Variants in DGKB observed in about 807,000 individuals in gnomAD.
DGKB encodes the protein 90 kDa diacylglycerol kinase.
Under a neutral mutation model 114.3 loss-of-function variants are expected in DGKB, and 67 were observed. The observed-to-expected ratio is 0.59, with a 90% CI of 0.48 to 0.72. The LOEUF (loss-of-function observed/expected upper bound fraction) is 0.72, where lower values mean the gene tolerates loss of function less well. Among genes scored for constraint, DGKB ranks in the 30% least tolerant of loss-of-function variants. The pLI, the probability that DGKB is intolerant of heterozygous loss-of-function variation, is 0.00. For synonymous variants in DGKB, 398 were observed against 323.1 expected (o/e 1.23, Z -2.49); for missense variants, 907 against 975.2 (o/e 0.93, Z 0.93).
At chr7:14,830,582 C>G (rs950990793) in intron 2 of DGKB, among the ~76,000 whole-genome samples, 1 of 152,020 alleles carries the variant, frequency 6.6e-6, no homozygotes, top group African/African-American at 2.4e-5. Flanking sequence ...GGGTATGTTT[C>G]AAGAGACAAT....
At chr7:14,342,539 G>A (rs1034499505) in intron 22 of DGKB, among the ~76,000 whole-genome samples, 6 of 151,694 alleles carry the variant, frequency 4.0e-5, no homozygotes, top group South Asian at 4.2e-4. Context: ...ATTCTACTTC[G>A]TGTATCATTA....
In DGKB at chr7:14,693,015, C is replaced by T. The variant is rs925465360; in HGVS notation, c.711+1060G>A. ...TATATATACTCATATGTTTCACAAA[C>T]ACAGACAGTAAGTTATCTTGAGAAA... is the stretch of plus-strand genomic sequence containing the variant. On this transcript the variant is annotated intron_variant, in intron 9 of 25. Transcript: ENST00000402815. Among the ~76,000 whole-genome samples the T allele has an allele frequency of 3.3e-5, 5 of 152,194 alleles. No individual in the cohort carries two copies. In the South Asian group the frequency reaches 1.0e-3, roughly 32 times the overall value.
At chr7:14,754,184 C>T (rs534733668) in intron 3 of DGKB, among the ~76,000 whole-genome samples, 17 of 152,110 alleles carry the variant, frequency 1.1e-4, no homozygotes, top group African/African-American at 1.4e-4. Flanking sequence ...TCTAAAACTG[C>T]GTGGGGTCGG....
intron 6 of DGKB, among the ~76,000 whole-genome samples, chr7:14,702,801 T>C (rs1045963956): frequency 1.3e-5 from 2 of 152,220 alleles, no homozygotes; most frequent in African/African-American, 4.8e-5. Context: ...TATTTAATGG[T>C]TACTGCATTT....
chr7:14,258,140 TTC>T (rs1796220820), intron 23 of DGKB, among the ~76,000 whole-genome samples: 1 of 152,242 alleles, frequency 6.6e-6, no homozygotes, highest in Non-Finnish European at 1.5e-5. Context: ...GAAAAATTTC[TTC>T]TAACTGTGAA....
chr7:14,439,927 A>C (rs1829839224), intron 21 of DGKB, among the ~76,000 whole-genome samples: 1 of 151,872 alleles, frequency 6.6e-6, no homozygotes, highest in South Asian at 2.1e-4. Flanking sequence ...ACTACTTGAG[A>C]TTGTCACTAC....
intron 4 of DGKB, among the ~76,000 whole-genome samples, chr7:14,742,814 G>A (rs79861865): frequency 0.011 from 1,633 of 152,278 alleles, 31 homozygotes; most frequent in African/African-American, 0.037. Context: ...TGTAAGAAGA[G>A]TAAAATGTGT....
At chr7:14,710,444 GAATTTC>G (rs1481794975) in intron 6 of DGKB, among the ~76,000 whole-genome samples, 1 of 151,968 alleles carries the variant, frequency 6.6e-6, no homozygotes, top group East Asian at 1.9e-4. Context: ...AATAAACAAT[GAATTTC>G]AATTTCTTCT....
chr7:14,688,976 C>T (rs538365761), intron 9 of DGKB, among the ~76,000 whole-genome samples: 104 of 151,642 alleles, frequency 6.9e-4, no homozygotes, highest in African/African-American at 2.5e-3. Context: ...AATTTTTTTT[C>T]AGAAGACCTC....
chr7:14,414,426 G>A (rs886936215), intron 21 of DGKB, among the ~76,000 whole-genome samples: 1 of 152,242 alleles, frequency 6.6e-6, no homozygotes, highest in Non-Finnish European at 1.5e-5. Flanking sequence ...ATGGCATAGT[G>A]TGGTACAGCT....
intron 20 of DGKB, among the ~76,000 whole-genome samples, chr7:14,491,027 CT>C (rs1784524179): frequency 6.6e-6 from 1 of 151,538 alleles, no homozygotes; most frequent in African/African-American, 2.4e-5. Context: ...GTTTAAGGGG[CT>C]TTCTAGAGAT....
intron 23 of DGKB, among the ~76,000 whole-genome samples, chr7:14,250,819 G>C (rs942228315): frequency 6.6e-6 from 1 of 152,108 alleles, no homozygotes; most frequent in Admixed American, 6.5e-5. Flanking sequence ...GCCAATATTT[G>C]GTGCGTATAT....
At chr7:14,402,373 A>C (rs1286886745) in intron 21 of DGKB, among the ~76,000 whole-genome samples, 1 of 151,872 alleles carries the variant, frequency 6.6e-6, no homozygotes, top group African/African-American at 2.4e-5. Context: ...TAATTCCAGG[A>C]ACATAGTTTC....
chr7:14,265,287 C>G (rs1797320026), intron 23 of DGKB, among the ~76,000 whole-genome samples: 1 of 136,784 alleles, frequency 7.3e-6, no homozygotes, highest in Non-Finnish European at 1.6e-5. Context: ...TACACTTTCT[C>G]AATTTGGACT....
In DGKB at chr7:14,146,877, A is replaced by T. The variant is rs1042025533; in HGVS notation, c.*2254T>A. The T allele has an allele frequency of 3.3e-5, 5 of 152,098 alleles. No individual in the cohort carries two copies. The highest frequency in any genetic ancestry group is 1.2e-4 in the African/African-American group (5 of 41,442). 9.4% of individuals were successfully genotyped at this position (152,098 alleles called of 1,614,324 possible). On this transcript the variant is annotated 3_prime_UTR_variant, in exon 26 of 26. Transcript: ENST00000402815. ...TTGAAATCTTATAAGCAGGTTGTTTAATTTGTCTCATCCCACTGTCTATCC... is the reference window on the plus strand; with the variant it reads ...TTGAAATCTTATAAGCAGGTTGTTTTATTTGTCTCATCCCACTGTCTATCC...
intron 17 of DGKB, among the ~76,000 whole-genome samples, chr7:14,605,459 T>C (rs975005713): frequency 1.3e-5 from 2 of 151,150 alleles, no homozygotes; most frequent in East Asian, 3.9e-4. Flanking sequence ...ATGTGTGTAT[T>C]AGATTGGGAA....
intron 19 of DGKB, among the ~76,000 whole-genome samples, chr7:14,577,575 C>G (rs972698586): frequency 6.6e-6 from 1 of 152,092 alleles, no homozygotes; most frequent in Admixed American, 6.5e-5. Flanking sequence ...TGAGATTGCG[C>G]CACTGCACTC....
chr7:14,515,018 CAAAACA>C (rs529350003), intron 20 of DGKB, among the ~76,000 whole-genome samples: 1 of 151,798 alleles, frequency 6.6e-6, no homozygotes, highest in Non-Finnish European at 1.5e-5. Flanking sequence ...GAACCTGTCT[CAAAACA>C]AAAACAAAAA....
chr7:14,432,760 C>T (rs1330800440), intron 21 of DGKB, among the ~76,000 whole-genome samples: 1 of 152,182 alleles, frequency 6.6e-6, no homozygotes, highest in African/African-American at 2.4e-5. Context: ...AGCTTTATTT[C>T]AGTTTTTATT....
Sources: gnomAD v4.1 joint callset for allele counts (sites outside exome capture counted in the v4.1 genomes callset) on GRCh38, gnomAD v4.1.1 for gene constraint, MANE v1.5 for transcripts, NCBI Gene and HGNC (gene_info 2026-07-23, HGNC 2026-07-21) for gene names.